CHIT1: variants seen among roughly 807,000 people sequenced by gnomAD.
CHIT1 encodes chitinase 1, also known as chitotriosidase-1.
In CHIT1, 47 loss-of-function variants were observed where a neutral mutation model predicts 52.0. The ratio of observed to expected loss-of-function variants is 0.90; its 90% CI spans 0.71 to 1.15. The LOEUF is 1.15. Ranked by LOEUF, CHIT1 falls within the 50% of genes most tolerant of loss-of-function variation. The pLI is 0.00. For synonymous variants in CHIT1, 242 were observed against 228.2 expected (o/e 1.06, Z -0.54); for missense variants, 569 against 583.0 (o/e 0.98, Z 0.25).
In CHIT1 at chr1:203,229,673, C is replaced by T. The variant is rs200636069; in HGVS notation, c.-37G>A. 2.9e-5 allele frequency: 46 copies of T among 1,613,464 alleles called. No individual in the cohort carries two copies. In the East Asian group the frequency reaches 8.9e-4, roughly 31 times the overall value. On this transcript the variant is annotated 5_prime_UTR_variant, in exon 1 of 11. Coordinates refer to ENST00000367229, the MANE Select transcript of CHIT1 (RefSeq NM_003465.3). ...GCGGCAGGCTGCAGCCCATACAAAC[C>T]AGCTTTCCAGGTCCTGCTCTGCTTT...
chr1:203,229,538 C>T, intron 1 of CHIT1, 74 bp downstream of exon 1: 3 of 1,557,770 alleles, frequency 1.9e-6, no homozygotes, highest in South Asian at 2.3e-5. Flanking sequence ...CAAATGGTAG[C>T]AAGTGGTCCC....
At chr1:203,228,130 G>A (rs934339945) in intron 2 of CHIT1, among the ~76,000 whole-genome samples, 18 of 152,230 alleles carry the variant, frequency 1.2e-4, no homozygotes, top group African/African-American at 4.3e-4. Context: ...TGAACCAGAT[G>A]AGACTTAGGT....
At chr1:203,222,427 C>G in intron 6 of CHIT1, 102 bp from the exon 7 acceptor site, 1 of 1,565,388 alleles carries the variant, frequency 6.4e-7, no homozygotes, top group Non-Finnish European at 8.7e-7. Context: ...AGGGAGGAAC[C>G]ACTGGGGTCA....
rs1459075526 is a variant in CHIT1, at chr1:203,225,826, A to T, written c.100T>A (p.Tyr34Asn). Residue 34 changes from tyrosine (Y) to asparagine (N), a missense_variant, in exon 3 of 11, where the codon TAC becomes AAC. Tyr to Asn is a moderately radical substitution (Grantham distance 143). Transcript: ENST00000367229. Reference sequence around the variant, plus strand: ...AGGAAGCGAGCCTCCCCCTGTCTGTACTGGGCCCAGTTGGTGAAGTAGCAG... The same window carrying T: ...AGGAAGCGAGCCTCCCCCTGTCTGTTCTGGGCCCAGTTGGTGAAGTAGCAG... ...LVCYFTNWAQ[Y>N]RQGEARFLPK... 1 of 1,613,962 alleles carries T rather than the reference A, an allele frequency of 6.2e-7. No homozygotes were observed. Among genetic ancestry groups the T allele is most frequent in the Admixed American group, 1.7e-5 (1 of 59,998 alleles).
chr1:203,219,102 T>C (rs1376585800), intron 9 of CHIT1, 114 bp downstream of exon 9: 3 of 763,830 alleles, frequency 3.9e-6, no homozygotes, highest in Non-Finnish European at 7.3e-6. Flanking sequence ...ATTTATGAAA[T>C]GTTGGGACAT....
chr1:203,225,222 A>G (rs1656881882), intron 3 of CHIT1, 118 bp from the exon 4 acceptor site: 2 of 909,424 alleles, frequency 2.2e-6, no homozygotes, highest in East Asian at 2.5e-5. Flanking sequence ...GCCTATGTGC[A>G]GAGACTGTAT....
At chr1:203,218,902 G>T (rs951303924) in intron 9 of CHIT1, among the ~76,000 whole-genome samples, 1 of 152,166 alleles carries the variant, frequency 6.6e-6, no homozygotes, top group Non-Finnish European at 1.5e-5. Context: ...ACCAGATATT[G>T]CCAATGGGCT....
At position 203,216,771 on chromosome 1, in the gene CHIT1, A is replaced by G; in HGVS notation, c.*118T>C. The G allele has an allele frequency of 7.3e-7, 1 of 1,362,556 alleles. No homozygotes were observed. The highest frequency in any genetic ancestry group is 1.2e-5 in the South Asian group (1 of 85,124). The allele number at this position is 1,362,556 out of a possible 1,614,324, so 84.4% of individuals were successfully genotyped here. A position where few individuals can be genotyped will look rare whatever the true frequency, so the allele number is the denominator to read the frequency against. On this transcript the variant is annotated 3_prime_UTR_variant, in exon 11 of 11. Transcript: ENST00000367229. The stretch of plus-strand genomic sequence containing the variant: ...TGAGAGCAGAAAGCCTGGATAAAGG[A>G]AGACCACAGAAAGGCCTGCAGGAGC...
chr1:203,229,753 G>T, upstream of CHIT1: 3 of 1,235,226 alleles, frequency 2.4e-6, no homozygotes, highest in African/African-American at 1.5e-5. Context: ...GGGGCACTGG[G>T]TGGGGGGGAT....
chr1:203,219,085 C>A (rs958716819), intron 9 of CHIT1, 131 bp downstream of exon 9: 2 of 734,838 alleles, frequency 2.7e-6, no homozygotes, highest in African/African-American at 1.7e-5. Flanking sequence ...AATACTATCA[C>A]GTGGAGATTT....
Position 203,217,834 on chromosome 1 carries a change from C to CCGCCCAGTCCCTAGACCATGGCCT in CHIT1, c.1060_1061insAGGCCATGGTCTAGGGACTGGGCG (p.Gly353_Gly354insGluAlaMetValTer). 1.2e-6 allele frequency: 2 copies of CCGCCCAGTCCCTAGACCATGGCCT among 1,614,032 alleles called. No individual in the cohort carries two copies. Among genetic ancestry groups the CCGCCCAGTCCCTAGACCATGGCCT allele is most frequent in the Non-Finnish European group, 1.7e-6 (2 of 1,179,970 alleles). On this transcript the variant is annotated stop_gained, in exon 10 of 11. Coordinates refer to ENST00000367229, the MANE Select transcript of CHIT1 (RefSeq NM_003465.3). LOFTEE classifies it high-confidence loss of function. ...TAAGTCCAGTGCCCAGACCATGGCC[C>CCGCCCAGTCCCTAGACCATGGCCT]CGCCCAGTCCCTTCTGCTTCAGATA...
chr1:203,228,276 A>G (rs557438714), intron 2 of CHIT1, among the ~76,000 whole-genome samples: 3 of 152,224 alleles, frequency 2.0e-5, no homozygotes, highest in African/African-American at 4.8e-5. Flanking sequence ...CAGCAACCCC[A>G]GGAAAGGAAA....
intron 2 of CHIT1, 92 bp downstream of exon 2, chr1:203,228,441 A>G (rs1201952280): frequency 2.3e-6 from 3 of 1,326,490 alleles, no homozygotes; most frequent in East Asian, 2.5e-5. Flanking sequence ...TGAAATCTGG[A>G]GCTCTTGGGG....
In CHIT1 at chr1:203,218,113, C is replaced by T. The variant is rs1463666364; in HGVS notation, c.1030-248G>A. On this transcript the variant is annotated intron_variant, in intron 9 of 10. Transcript: ENST00000367229. ...TGACCTGGGGTGGGGTGGGTGCAGT[C>T]GGGAGGAATAGTGTCAGTTGTGTGC... 8.9e-6 allele frequency: 13 copies of T among 1,464,842 alleles called. 1 individual carries two copies. Among genetic ancestry groups the T allele is most frequent in the African/African-American group, 7.0e-5 (5 of 71,488 alleles). The allele number at this position is 1,464,842 out of a possible 1,614,324, so 90.7% of individuals were successfully genotyped here.
chr1:203,223,910 T>C (rs1016768372), intron 4 of CHIT1, among the ~76,000 whole-genome samples: 2 of 152,068 alleles, frequency 1.3e-5, no homozygotes, highest in Non-Finnish European at 2.9e-5. Context: ...ATGGACACCC[T>C]AGGAGCCTTT....
rs1656816900 is a variant in CHIT1, at chr1:203,223,522, G to T, written c.453C>A (p.Asp151Glu). ...GTACCAGGGTTGTGAAGCGCTCCTT[G>T]TCTACGGCAGGGCTCCCCTGGCTTC... Reference protein sequence around the residue: ...YPGSQGSPAVDKERFTTLVQD... With the variant: ...YPGSQGSPAVEKERFTTLVQD... The change falls in exon 5 of 11, where the codon GAC (aspartate) becomes GAA (glutamate). Residue 151 changes from aspartate (D) to glutamate (E), a missense_variant. Physicochemically the swap from Asp to Glu is conservative, Grantham distance 45. Transcript: ENST00000367229. 3 of 1,614,202 alleles carry T rather than the reference G, an allele frequency of 1.9e-6. No homozygotes were observed. Among genetic ancestry groups the T allele is most frequent in the Non-Finnish European group, 2.5e-6 (3 of 1,180,016 alleles).
chr1:203,218,921 C>CTAT (rs751902770), intron 9 of CHIT1, among the ~76,000 whole-genome samples: 2 of 152,140 alleles, frequency 1.3e-5, no homozygotes, highest in Admixed American at 6.5e-5. Context: ...CTGAAGAAAG[C>CTAT]TATATGTCTC....
At position 203,228,547 on chromosome 1, in the gene CHIT1, A is replaced by G; in HGVS notation, c.41T>C (p.Leu14Pro). The G allele has an allele frequency of 1.3e-6, 2 of 1,590,152 alleles. No individual in the cohort carries two copies. Among genetic ancestry groups the G allele is most frequent in the Non-Finnish European group, 1.7e-6 (2 of 1,166,390 alleles). The change falls in exon 2 of 11, where the codon CTG becomes CCG. Residue 14 changes from leucine to proline, a missense_variant. Coordinates refer to ENST00000367229, the MANE Select transcript of CHIT1 (RefSeq NM_003465.3). ...AGGCTACTTACCCCATGGGATCATC[A>G]GCAGGACCATGAAACCTGGAGCAAC... is the stretch of plus-strand genomic sequence containing the variant. Reference protein sequence around the residue: ...SVAWAGFMVLLMIPWGSAAKL... With the variant: ...SVAWAGFMVLPMIPWGSAAKL...
At chr1:203,222,383 T>C in intron 6 of CHIT1, 58 bp from the exon 7 acceptor site, 2 of 1,612,230 alleles carry the variant, frequency 1.2e-6, no homozygotes, top group South Asian at 1.1e-5. Flanking sequence ...GGGTAGCCCT[T>C]CTTTCTCACT....
Sources: gnomAD v4.1 joint callset for allele counts (sites outside exome capture counted in the v4.1 genomes callset) on GRCh38, gnomAD v4.1.1 for gene constraint, MANE v1.5 for transcripts, NCBI Gene and HGNC (gene_info 2026-07-23, HGNC 2026-07-21) for gene names.